KATNAL1: variants seen among roughly 807,000 people sequenced by gnomAD.
KATNAL1 encodes katanin p60 ATPase-containing subunit A-like 1.
KATNAL1 carries 32 observed loss-of-function variants against 55.2 expected under a neutral mutation model. The ratio of observed to expected loss-of-function variants is 0.58; its 90% CI spans 0.44 to 0.78. KATNAL1 has a LOEUF of 0.78. Among genes scored for constraint, KATNAL1 ranks in the 30% least tolerant of loss-of-function variants. KATNAL1 has a pLI of 0.00. For missense variants in KATNAL1, 466 were observed against 600.9 expected, an observed-to-expected ratio of 0.78 and a Z score of 2.35; for synonymous variants, 193 against 193.6, an observed-to-expected ratio of 1.00 and a Z score of 0.02.
At chr13:30,269,367 G>A (rs1042915716) in intron 3 of KATNAL1, among the ~76,000 whole-genome samples, 1 of 152,264 alleles carries the variant, frequency 6.6e-6, no homozygotes, top group Non-Finnish European at 1.5e-5. Context: ...TGCAGACGGA[G>A]TCTGGTTCAC....
chr13:30,295,273 T>G (rs1566134824), intron 1 of KATNAL1, among the ~76,000 whole-genome samples: 1 of 152,306 alleles, frequency 6.6e-6, no homozygotes, highest in East Asian at 1.9e-4. Flanking sequence ...GTAAGAACAT[T>G]TGTGATTCAA....
At chr13:30,231,898 T>C (rs1477458038) in intron 6 of KATNAL1, among the ~76,000 whole-genome samples, 3 of 152,166 alleles carry the variant, frequency 2.0e-5, no homozygotes, top group Non-Finnish European at 2.9e-5. Context: ...AGAACCTATC[T>C]TCCACAGTGC....
intron 6 of KATNAL1, among the ~76,000 whole-genome samples, chr13:30,234,804 T>C (rs1876487407): frequency 6.6e-6 from 1 of 152,224 alleles, no homozygotes; most frequent in South Asian, 2.1e-4. Context: ...TAATAAAGAA[T>C]TTAGCTGGCC....
intron 3 of KATNAL1, among the ~76,000 whole-genome samples, chr13:30,277,831 A>T (rs1055692787): frequency 2.6e-5 from 4 of 151,282 alleles, no homozygotes; most frequent in Non-Finnish European, 5.9e-5. Context: ...AAAATACAAA[A>T]AATTAGCCGG....
At chr13:30,302,208 A>G (rs1239544590) in intron 1 of KATNAL1, among the ~76,000 whole-genome samples, 1 of 152,174 alleles carries the variant, frequency 6.6e-6, no homozygotes, top group Non-Finnish European at 1.5e-5. Context: ...TTTTATAATC[A>G]TATTTACTTA....
chr13:30,229,189 G>A (rs1321646695), intron 8 of KATNAL1, among the ~76,000 whole-genome samples: 1 of 151,804 alleles, frequency 6.6e-6, no homozygotes, highest in Non-Finnish European at 1.5e-5. Context: ...TGGCTCCTCA[G>A]GGCCCTTTTT....
At chr13:30,214,212 C>A (rs1269281275) in intron 9 of KATNAL1, among the ~76,000 whole-genome samples, 2 of 152,150 alleles carry the variant, frequency 1.3e-5, no homozygotes, top group Non-Finnish European at 1.5e-5. Flanking sequence ...ATCCAACTTA[C>A]AAGGGACATG....
intron 6 of KATNAL1, among the ~76,000 whole-genome samples, chr13:30,239,746 C>T (rs1019572435): frequency 4.2e-5 from 6 of 142,320 alleles, no homozygotes; most frequent in South Asian, 2.2e-4. Context: ...AGTGCAGTTG[C>T]GCGATCTTGG....
At chr13:30,224,407 T>G (rs768646896) in intron 9 of KATNAL1, among the ~76,000 whole-genome samples, 2 of 151,750 alleles carry the variant, frequency 1.3e-5, no homozygotes, top group African/African-American at 2.4e-5. Context: ...CACAGTGACA[T>G]GTGTTTGTAG....
At chr13:30,295,689 T>G (rs1882435367) in intron 1 of KATNAL1, among the ~76,000 whole-genome samples, 1 of 152,176 alleles carries the variant, frequency 6.6e-6, no homozygotes, top group Admixed American at 6.5e-5. Flanking sequence ...CTACTCCTGG[T>G]GAAGATGCTT....
chr13:30,299,138 T>G (rs905765913), intron 1 of KATNAL1, among the ~76,000 whole-genome samples: 12 of 151,952 alleles, frequency 7.9e-5, no homozygotes, highest in Admixed American at 3.3e-4. Flanking sequence ...GGGGTAAGGG[T>G]GTAGGGGGTT....
intron 3 of KATNAL1, among the ~76,000 whole-genome samples, chr13:30,263,770 G>C (rs1046804234): frequency 6.6e-5 from 9 of 136,778 alleles, no homozygotes; most frequent in Middle Eastern, 3.7e-3. Context: ...TGGGTAGGAA[G>C]AATCAATATC....
chr13:30,224,276 C>T (rs1875215290), intron 9 of KATNAL1, among the ~76,000 whole-genome samples: 2 of 152,080 alleles, frequency 1.3e-5, no homozygotes, highest in South Asian at 4.2e-4. Context: ...GGTGCAGTAG[C>T]TCACATCTGT....
At chr13:30,268,615 T>C (rs1879968615) in intron 3 of KATNAL1, among the ~76,000 whole-genome samples, 1 of 152,202 alleles carries the variant, frequency 6.6e-6, no homozygotes, top group Non-Finnish European at 1.5e-5. Flanking sequence ...CTTCAAAGCA[T>C]AGAGACTAAC....
At chr13:30,214,335 T>C (rs1184051384) in intron 9 of KATNAL1, among the ~76,000 whole-genome samples, 1 of 152,038 alleles carries the variant, frequency 6.6e-6, no homozygotes, top group Admixed American at 6.6e-5. Flanking sequence ...ATCGTGAAAA[T>C]GGCCATACTG....
At chr13:30,218,205 AATATATAT>A (rs34056263) in intron 9 of KATNAL1, among the ~76,000 whole-genome samples, 50 of 139,518 alleles carry the variant, frequency 3.6e-4, no homozygotes, top group African/African-American at 1.3e-3. Context: ...CAGTAAAAGG[AATATATAT>A]ATATATATAT....
chr13:30,241,634 A>C (rs1877290678), intron 4 of KATNAL1, among the ~76,000 whole-genome samples: 1 of 152,222 alleles, frequency 6.6e-6, no homozygotes, highest in Non-Finnish European at 1.5e-5. Flanking sequence ...GAAATACTTC[A>C]GCAAGCACAG....
intron 1 of KATNAL1, among the ~76,000 whole-genome samples, chr13:30,284,291 G>T (rs1881626975): frequency 6.6e-6 from 1 of 152,096 alleles, no homozygotes; most frequent in Non-Finnish European, 1.5e-5. Context: ...GAAATAATAG[G>T]GAGAAAGGTT....
At chr13:30,289,937 A>G (rs1882027065) in intron 1 of KATNAL1, among the ~76,000 whole-genome samples, 1 of 152,250 alleles carries the variant, frequency 6.6e-6, no homozygotes, top group Non-Finnish European at 1.5e-5. Flanking sequence ...GTGTTCCAAT[A>G]AAACCTTATA....
Sources: allele counts gnomAD v4.1 joint callset (sites outside exome capture counted in the v4.1 genomes callset), GRCh38; gene constraint gnomAD v4.1.1; transcripts MANE v1.5; gene names NCBI Gene and HGNC (gene_info 2026-07-23, HGNC 2026-07-21).